The following FBXO21 variants were observed in gnomAD, a reference collection of about 807,000 sequenced individuals.
The protein encoded by FBXO21 is F-box protein 21.
In FBXO21, 32 loss-of-function variants were observed where a neutral mutation model predicts 76.6. The ratio of observed to expected loss-of-function variants is 0.42; its 90% CI spans 0.32 to 0.56. The LOEUF is 0.56. Ranked by LOEUF, FBXO21 falls within the 20% of genes least tolerant of loss-of-function variation. The pLI, the probability that FBXO21 is intolerant of heterozygous loss-of-function variation, is 0.16. For missense variants in FBXO21, 586 were observed against 797.3 expected (o/e 0.73, Z 3.19); for synonymous variants, 328 against 311.5 (o/e 1.05, Z -0.56).
chr12:117,177,704 T>C, intron 3 of FBXO21, 63 bp from the exon 4 acceptor site: 1 of 1,358,640 alleles, frequency 7.4e-7, no homozygotes, highest in East Asian at 2.3e-5. Context: ...TTTTTCACAT[T>C]ACACTAACAT....
chr12:117,154,889 G>A (rs1018099014), intron 11 of FBXO21, among the ~76,000 whole-genome samples: 1 of 152,178 alleles, frequency 6.6e-6, no homozygotes, highest in African/African-American at 2.4e-5. Flanking sequence ...TGGATGAAGA[G>A]GAGGCTCTGT....
intron 3 of FBXO21, among the ~76,000 whole-genome samples, chr12:117,186,094 C>T (rs370659967): frequency 4.6e-5 from 7 of 152,148 alleles, no homozygotes; most frequent in Non-Finnish European, 8.8e-5. Flanking sequence ...CCAGGCTGGT[C>T]GCGAACTCCT....
intron 11 of FBXO21, among the ~76,000 whole-genome samples, chr12:117,153,232 T>C (rs1455667843): frequency 1.3e-5 from 2 of 151,396 alleles, no homozygotes; most frequent in African/African-American, 4.9e-5. Flanking sequence ...GGGAGACACA[T>C]GAGGAGACAG....
At chr12:117,187,229 T>G (rs893097732) in intron 2 of FBXO21, among the ~76,000 whole-genome samples, 3 of 151,620 alleles carry the variant, frequency 2.0e-5, no homozygotes, top group Non-Finnish European at 4.4e-5. Flanking sequence ...GAGACCAGCC[T>G]GACCAACATA....
At chr12:117,147,306 A>G (rs12424707) in intron 11 of FBXO21, among the ~76,000 whole-genome samples, 17,850 of 126,330 alleles carry the variant, frequency 0.14, 1,503 homozygotes, top group Admixed American at 0.26. Flanking sequence ...AAAAAAAAAA[A>G]AGAAAAAAAA....
In FBXO21 at chr12:117,189,232, C is replaced by G; in HGVS notation, c.370G>C (p.Glu124Gln). ...CCACATCAACAGATCCTTACGTGCT[C>G]TGAAAAGAACCTCTTTGAGAACGAG... is the stretch of plus-strand genomic sequence containing the variant. ...VASFSKRFFS[E>Q]HVPCNGFSDI... The change falls in exon 2 of 12, where the codon GAG becomes CAG. Residue 124 changes from glutamate (E) to glutamine (Q), a missense_variant. By Grantham distance (29) the Glu-to-Gln change is conservative. Coordinates refer to ENST00000622495, the MANE Select transcript of FBXO21 (RefSeq NM_015002.3). 6.2e-7 allele frequency: 1 copy of G among 1,614,192 alleles called. No individual in the cohort carries two copies. Among genetic ancestry groups the G allele is most frequent in the Non-Finnish European group, 8.5e-7 (1 of 1,180,032 alleles).
At chr12:117,170,611 C>T (rs1412997493) in intron 7 of FBXO21, among the ~76,000 whole-genome samples, 1 of 152,158 alleles carries the variant, frequency 6.6e-6, no homozygotes, top group African/African-American at 2.4e-5. Flanking sequence ...TCCCTGAGGG[C>T]TGAGTCCCTT....
At chr12:117,171,803 T>C (rs12310638) in intron 7 of FBXO21, among the ~76,000 whole-genome samples, 2,325 of 152,324 alleles carry the variant, frequency 0.015, 65 homozygotes, top group African/African-American at 0.05. Context: ...AATTGTAGAT[T>C]TAATGAGAAT....
chr12:117,174,124 G>T, intron 6 of FBXO21, 81 bp downstream of exon 6: 1 of 1,165,956 alleles, frequency 8.6e-7, no homozygotes, highest in East Asian at 2.3e-5. Context: ...GCAACAGAGC[G>T]AGACCCTGTC....
At position 117,189,355 on chromosome 12, in the gene FBXO21, A is replaced by G; in HGVS notation, c.247T>C (p.Ser83Pro). Reference protein sequence around the residue: ...WKEQFRVRWPSLMKHYSPTDY... With the variant: ...WKEQFRVRWPPLMKHYSPTDY... ...GTGGGGCTGTAGTGTTTCATAAGGG[A>G]AGGCCACCTACGAGGAGAGAAACAC... Residue 83 changes from serine to proline, a missense_variant, in exon 2 of 12, where the codon TCC becomes CCC. Physicochemically the swap from Ser to Pro is moderately conservative, Grantham distance 74. This residue lies in a region of FBXO21 where 152 missense variants were observed against 127.2 expected (regional missense o/e 1.19). Coordinates refer to ENST00000622495, the MANE Select transcript of FBXO21 (RefSeq NM_015002.3). 1 of 1,614,118 alleles carries G rather than the reference A, an allele frequency of 6.2e-7. No homozygotes were observed. Among genetic ancestry groups the G allele is most frequent in the East Asian group, 2.2e-5 (1 of 44,874 alleles).
chr12:117,157,812 T>G, intron 10 of FBXO21, 61 bp downstream of exon 10: 2 of 1,428,748 alleles, frequency 1.4e-6, no homozygotes, highest in Non-Finnish European at 1.9e-6. Flanking sequence ...ACCAGGTGCA[T>G]GTGTGTCTCT....
intron 11 of FBXO21, among the ~76,000 whole-genome samples, chr12:117,153,305 C>T (rs959976716): frequency 6.6e-5 from 10 of 152,016 alleles, no homozygotes; most frequent in South Asian, 2.1e-4. Context: ...ACGGCCCCCA[C>T]GTGGTGTCAC....
chr12:117,177,543 T>C lies in FBXO21; in HGVS notation c.569A>G (p.Asp190Gly). ...ACCTTCAAGATACGACTCATAGTCA[T>C]CTGGCTGCTGAAGAAAGGCCTTAAG... ...NNLKAFLQQP[D>G]DYESYLEGAV... Residue 190 changes from aspartate (D) to glycine (G), a missense_variant, in exon 4 of 12, where the codon GAT (aspartate) becomes GGT (glycine). Physicochemically the swap from Asp to Gly is moderately conservative, Grantham distance 94. Coordinates refer to ENST00000622495, the MANE Select transcript of FBXO21 (RefSeq NM_015002.3). The C allele has an allele frequency of 6.2e-7, 1 of 1,613,794 alleles. No individual in the cohort carries two copies. The highest frequency in any genetic ancestry group is 1.1e-5 in the South Asian group (1 of 91,022).
chr12:117,165,190 G>A (rs1412549904), intron 9 of FBXO21, among the ~76,000 whole-genome samples: 1 of 152,176 alleles, frequency 6.6e-6, no homozygotes, highest in Admixed American at 6.5e-5. Context: ...GAGTGAGGGT[G>A]ACTTGGGGAA....
At chr12:117,153,214 A>G (rs1955865173) in intron 11 of FBXO21, among the ~76,000 whole-genome samples, 1 of 151,932 alleles carries the variant, frequency 6.6e-6, no homozygotes, top group South Asian at 2.1e-4. Context: ...GACCACCAGA[A>G]TGGAAATGGG....
chr12:117,181,663 T>C (rs893267633), intron 3 of FBXO21, among the ~76,000 whole-genome samples: 1 of 152,060 alleles, frequency 6.6e-6, no homozygotes, highest in Non-Finnish European at 1.5e-5. Flanking sequence ...GCTATCTATC[T>C]ATCTGAGACA....
At chr12:117,166,190 CAAAAAAAA>C (rs34746643) in intron 8 of FBXO21, among the ~76,000 whole-genome samples, 8 of 107,786 alleles carry the variant, frequency 7.4e-5, no homozygotes, top group Non-Finnish European at 1.4e-4. Context: ...AACTATGTCT[CAAAAAAAA>C]AAAAAAAAAA....
chr12:117,158,277 G>A (rs1406293071), intron 9 of FBXO21, among the ~76,000 whole-genome samples: 3 of 152,128 alleles, frequency 2.0e-5, no homozygotes, highest in Admixed American at 6.5e-5. Context: ...GGGCTCTACT[G>A]TAACACTGGC....
At chr12:117,187,154 C>T (rs11834131) in intron 2 of FBXO21, among the ~76,000 whole-genome samples, 3,615 of 151,178 alleles carry the variant, frequency 0.024, 149 homozygotes, top group African/African-American at 0.084. Flanking sequence ...GGTGCAGTGG[C>T]TCACGCCTGT....
Sources: gnomAD v4.1 joint callset for allele counts (sites outside exome capture counted in the v4.1 genomes callset) on GRCh38, gnomAD v4.1.1 for gene constraint, gnomAD v4.1.1 regional missense constraint, MANE v1.5 for transcripts, NCBI Gene and HGNC (gene_info 2026-07-23, HGNC 2026-07-21) for gene names.